IDH1: variants seen among roughly 807,000 people sequenced by gnomAD.
IDH1 encodes the protein isocitrate dehydrogenase [NADP] cytoplasmic.
Under a neutral mutation model 46.1 loss-of-function variants are expected in IDH1, and 33 were observed. That is an observed-to-expected ratio of 0.72 (90% CI 0.54 to 0.96). IDH1 has a LOEUF of 0.96. Ranked by LOEUF, IDH1 falls within the 40% of genes least tolerant of loss-of-function variation. The pLI is 0.00. For synonymous variants in IDH1, 144 were observed against 172.8 expected (o/e 0.83, Z 1.31); for missense variants, 421 against 515.7 (o/e 0.82, Z 1.78).
Position 208,239,232 on chromosome 2 carries a change from A to C in IDH1, c.993T>G (p.Ala331=). Reference sequence around the variant, plus strand: ...ACCCTCTGGTCCAGGCAAAAATGGAAGCTAAAAGAGGGGAAAAAAAACACA... The same window carrying C: ...ACCCTCTGGTCCAGGCAAAAATGGACGCTAAAAGAGGGGAAAAAAAACACA... The part of the protein sequence containing the change: ...KGQETSTNPI[A]SIFAWTRGLA... The change falls in exon 9 of 10, where the codon GCT becomes GCG. Residue 331 remains alanine, a splice_region_variant and synonymous_variant. Transcript: ENST00000345146. The C allele has an allele frequency of 6.2e-7, 1 of 1,613,954 alleles. No individual in the cohort carries two copies.
intron 6 of IDH1, among the ~76,000 whole-genome samples, chr2:208,242,858 G>A (rs1195690944): frequency 6.6e-6 from 1 of 151,106 alleles, no homozygotes; most frequent in Non-Finnish European, 1.5e-5. Context: ...TCCGCCTCCC[G>A]GGTTCACGCC....
chr2:208,243,386 A>T, intron 6 of IDH1, 41 bp downstream of exon 6: 1 of 1,427,650 alleles, frequency 7.0e-7, no homozygotes, highest in Non-Finnish European at 9.9e-7. Context: ...ATGTCAGCTT[A>T]CTTGAGAATA....
chr2:208,249,411 T>C (rs1003149169), intron 3 of IDH1, among the ~76,000 whole-genome samples: 5 of 152,180 alleles, frequency 3.3e-5, no homozygotes, highest in Admixed American at 2.6e-4. Context: ...CTACAATTTA[T>C]TGGGTAAGTA....
chr2:208,249,255 T>C (rs1372023344), intron 3 of IDH1, among the ~76,000 whole-genome samples: 1 of 151,736 alleles, frequency 6.6e-6, no homozygotes, highest in Non-Finnish European at 1.5e-5. Context: ...AGTGGCACGA[T>C]CTTGGCTCAC....
chr2:208,240,615 T>C (rs1687901284), intron 7 of IDH1, among the ~76,000 whole-genome samples: 1 of 152,160 alleles, frequency 6.6e-6, no homozygotes, highest in Admixed American at 6.5e-5. Context: ...AACATCCCAG[T>C]TGCCCTTCCT....
chr2:208,244,503 T>C (rs1687981261), intron 5 of IDH1, among the ~76,000 whole-genome samples: 1 of 152,256 alleles, frequency 6.6e-6, no homozygotes, highest in Admixed American at 6.5e-5. Flanking sequence ...GCACTCCTAC[T>C]GTAGTTGGTA....
chr2:208,250,498 A>T (rs1478569818), intron 3 of IDH1, among the ~76,000 whole-genome samples: 1 of 152,194 alleles, frequency 6.6e-6, no homozygotes, highest in Non-Finnish European at 1.5e-5. Context: ...ACAAATTTTG[A>T]TGACTAATTC....
At chr2:208,237,314 A>T in intron 9 of IDH1, 145 bp from the exon 10 acceptor site, 1 of 672,524 alleles carries the variant, frequency 1.5e-6, no homozygotes, top group Non-Finnish European at 2.7e-6. Flanking sequence ...TACAAAATCT[A>T]TAGACAATGA....
intron 9 of IDH1, among the ~76,000 whole-genome samples, chr2:208,238,083 T>G (rs1406406631): frequency 6.7e-6 from 1 of 149,862 alleles, no homozygotes; most frequent in Non-Finnish European, 1.5e-5. Context: ...TCACGCAGGC[T>G]GGAGTGCAGT....
chr2:208,239,946 A>G lies in IDH1; in HGVS notation c.908T>C (p.Val303Ala). ...AGTCCCGTGGGCAGCCTCTGCTTCT[A>G]CTGTCTTGCCATCTGGACAAACCAG... ...SVLVCPDGKT[V>A]EAEAAHGTVT... Residue 303 changes from valine (V) to alanine (A), a missense_variant, in exon 8 of 10, where the codon GTA (valine) becomes GCA (alanine). Transcript: ENST00000345146. 1.2e-6 allele frequency: 2 copies of G among 1,614,110 alleles called. No individual in the cohort carries two copies. The highest frequency in any genetic ancestry group is 1.7e-6 in the Non-Finnish European group (2 of 1,179,998).
At position 208,245,358 on chromosome 2, in the gene IDH1, C is replaced by T. The variant is rs148190775; in HGVS notation, c.481G>A (p.Gly161Arg). The T allele has an allele frequency of 1.5e-5, 24 of 1,611,178 alleles. No homozygotes were observed. The highest frequency in any genetic ancestry group is 1.1e-4 in the South Asian group (10 of 90,960). ...ACCAGGTATGTCACCTTTTGGGTTC[C>T]GTCACTTGGTGTGTAGGTTATCTCT... ...KVEITYTPSD[G>R]TQKVTYLVHN... The change falls in exon 5 of 10, where the codon GGA (glycine) becomes AGA (arginine). Residue 161 changes from glycine (G) to arginine (R), a missense_variant. Gly to Arg is a moderately radical substitution (Grantham distance 125). Transcript: ENST00000345146.
At chr2:208,237,882 C>T (rs929180116) in intron 9 of IDH1, among the ~76,000 whole-genome samples, 4 of 150,902 alleles carry the variant, frequency 2.7e-5, no homozygotes, top group Non-Finnish European at 5.9e-5. Context: ...GCGAAGATCA[C>T]GCCACTGCAC....
chr2:208,244,358 T>A (rs1381387296), intron 5 of IDH1, among the ~76,000 whole-genome samples: 1 of 152,222 alleles, frequency 6.6e-6, no homozygotes, highest in Non-Finnish European at 1.5e-5. Context: ...AACGCAAGAA[T>A]GGACAAACAC....
rs540596735 is a variant in IDH1, at chr2:208,240,833, T to C, written c.851-830A>G. Among the ~76,000 whole-genome samples the C allele has an allele frequency of 2.8e-4, 42 of 152,250 alleles. No individual in the cohort carries two copies. The East Asian group carries it at 7.3e-3, about 27-fold the overall frequency. On this transcript the variant is annotated intron_variant, in intron 7 of 9. Transcript: ENST00000345146. ...CCTCTGTTGCATTCAGTACAAATGA[T>C]TGTGAGGATGTAGAGAAACAGAAGG...
intron 9 of IDH1, 21 bp from the exon 10 acceptor site, chr2:208,237,190 AAG>A (rs1359010706): frequency 7.1e-7 from 1 of 1,417,198 alleles, no homozygotes; most frequent in Non-Finnish European, 9.9e-7. Flanking sequence ...GGAAAAAAAA[AAG>A]AAAATTTAGT....
At position 208,243,595 on chromosome 2, in the gene IDH1, C is replaced by T. The variant is rs149205273; in HGVS notation, c.530G>A (p.Gly177Asp). Residue 177 changes from glycine to aspartate, a missense_variant, in exon 6 of 10, where the codon GGT (glycine) becomes GAT (aspartate). Physicochemically the swap from Gly to Asp is moderately conservative, Grantham distance 94 (BLOSUM62 -1). Coordinates refer to ENST00000345146, the MANE Select transcript of IDH1 (RefSeq NM_005896.4). ...TTGATTATACATCCCCATGGCAACA[C>T]CACCACCTTCTGTAGAGGAGAAGCC... is the stretch of plus-strand genomic sequence containing the variant. ...YLVHNFEEGG[G>D]VAMGMYNQDK... The T allele has an allele frequency of 9.3e-6, 15 of 1,612,882 alleles. No homozygotes were observed. In the African/African-American group the frequency reaches 1.9e-4, roughly 20 times the overall value.
At chr2:208,242,326 G>A (rs774100129) in intron 6 of IDH1, among the ~76,000 whole-genome samples, 181 bp from the exon 7 acceptor site, 6 of 152,198 alleles carry the variant, frequency 3.9e-5, no homozygotes, top group Non-Finnish European at 5.9e-5. Flanking sequence ...TTTTCTAACT[G>A]TAAAACTCAA....
Position 208,236,399 on chromosome 2 carries a change from A to T in IDH1, c.*680T>A. The T allele has an allele frequency of 8.7e-6, 2 of 230,702 alleles. No individual in the cohort carries two copies. The highest frequency in any genetic ancestry group is 1.7e-5 in the Non-Finnish European group (2 of 116,232). 14.3% of individuals were successfully genotyped at this position (230,702 alleles called of 1,614,324 possible). Reference sequence around the variant, plus strand: ...TGCACTTGGATGAAATATGCTATTTAGAGTAGTATAATATTCAGGCCAGGC... The same window carrying T: ...TGCACTTGGATGAAATATGCTATTTTGAGTAGTATAATATTCAGGCCAGGC... On this transcript the variant is annotated 3_prime_UTR_variant, in exon 10 of 10. Transcript: ENST00000345146.
chr2:208,243,655 TGTA>T (rs1687964630), intron 5 of IDH1, 51 bp from the exon 6 acceptor site: 5 of 1,472,066 alleles, frequency 3.4e-6, no homozygotes, highest in Middle Eastern at 1.7e-4. Flanking sequence ...ATAAATGTAA[TGTA>T]GTTGTAATAA....
Sources: allele counts gnomAD v4.1 joint callset (sites outside exome capture counted in the v4.1 genomes callset), GRCh38; gene constraint gnomAD v4.1.1; transcripts MANE v1.5; gene names NCBI Gene and HGNC (gene_info 2026-07-23, HGNC 2026-07-21).